The following UNC80 variants were observed in gnomAD, a reference collection of about 807,000 sequenced individuals.
The protein encoded by UNC80 is protein unc-80 homolog.
Under a neutral mutation model 384.6 loss-of-function variants are expected in UNC80, and 164 were observed. The observed-to-expected ratio is 0.43, with a 90% CI of 0.38 to 0.49. UNC80 has a LOEUF of 0.49. Among genes scored for constraint, UNC80 ranks in the 20% least tolerant of loss-of-function variants. UNC80 has a pLI of 0.00. For synonymous variants in UNC80, 1,486 were observed against 1,527.8 expected, an observed-to-expected ratio of 0.97 and a Z score of 0.64; for missense variants, 3,330 against 4,143.0, an observed-to-expected ratio of 0.80 and a Z score of 5.39.
At chr2:209,844,388 CT>C (rs1275323290) in intron 21 of UNC80, among the ~76,000 whole-genome samples, 2 of 150,394 alleles carry the variant, frequency 1.3e-5, no homozygotes, top group Non-Finnish European at 3.0e-5. Flanking sequence ...TTCCTTCCTT[CT>C]CTTCTCTCCT....
In UNC80 at chr2:209,846,001, CCTT is replaced by C. The variant is rs1270163303; in HGVS notation, c.3455-3446_3455-3444del. On this transcript the variant is annotated intron_variant, in intron 21 of 64. Coordinates refer to ENST00000673920, the MANE Select transcript of UNC80 (RefSeq NM_001371986.1). ...TCTCTCTTCTTTCTTTTCTTTCTTCCCTTCTTTCCTTGTTTTTCTTTCTTTCCT... is the reference window on the plus strand; with the variant it reads ...TCTCTCTTCTTTCTTTTCTTTCTTCCCTTTCCTTGTTTTTCTTTCTTTCCT... Among the ~76,000 whole-genome samples, 128 of 150,724 alleles carry C rather than the reference CCTT, an allele frequency of 8.5e-4. 1 individual carries two copies. Among genetic ancestry groups the C allele is most frequent in the African/African-American group, 2.9e-3 (121 of 41,026 alleles).
intron 52 of UNC80, chr2:209,969,069 A>T (rs2092811239): frequency 6.6e-6 from 1 of 152,232 alleles, no homozygotes; most frequent in African/African-American, 2.4e-5. Flanking sequence ...CCAGGAAAAT[A>T]TAAGGAAATA....
intron 36 of UNC80, among the ~76,000 whole-genome samples, chr2:209,928,975 C>G (rs1235795437): frequency 6.6e-6 from 1 of 152,058 alleles, no homozygotes; most frequent in African/African-American, 2.4e-5. Flanking sequence ...GATATTTTTG[C>G]AATCAATATC....
chr2:209,881,127 T>C (rs1228982741), intron 25 of UNC80, 33 bp downstream of exon 25: 1 of 1,550,590 alleles, frequency 6.4e-7, no homozygotes, highest in South Asian at 1.2e-5. Context: ...ATAATCAGGT[T>C]ACTCGGAGAG....
At position 209,954,204 on chromosome 2, in the gene UNC80, T is replaced by C; in HGVS notation, c.7391T>C (p.Ile2464Thr). Residue 2464 changes from isoleucine to threonine, a missense_variant, in exon 48 of 65, where the codon ATT becomes ACT. Coordinates refer to ENST00000673920, the MANE Select transcript of UNC80 (RefSeq NM_001371986.1). Reference protein sequence around the residue: ...VETVPAAREEIAATAALATSL... With the variant: ...VETVPAAREETAATAALATSL... ...ACAGTACCTGCTGCCCGAGAGGAGA[T>C]TGCGGCCACTGCTGCTCTTGCGACG... The C allele has an allele frequency of 1.1e-5, 17 of 1,551,070 alleles. No homozygotes were observed. The highest frequency in any genetic ancestry group is 1.5e-5 in the Non-Finnish European group (17 of 1,146,912).
At chr2:209,970,031 A>G in intron 53 of UNC80, 140 bp downstream of exon 53, 1 of 1,072,082 alleles carries the variant, frequency 9.3e-7, no homozygotes, top group Non-Finnish European at 1.3e-6. Flanking sequence ...GACACTGAAA[A>G]TAGTGAGGTA....
intron 25 of UNC80, among the ~76,000 whole-genome samples, chr2:209,885,754 CTT>C (rs1410561654): frequency 2.4e-4 from 33 of 135,794 alleles, no homozygotes; most frequent in Admixed American, 3.0e-4. Context: ...AAAATGTTAA[CTT>C]TTTTTTTTTT....
At chr2:209,819,403 C>A in intron 12 of UNC80, 142 bp downstream of exon 12, 2 of 746,008 alleles carry the variant, frequency 2.7e-6, no homozygotes, top group Non-Finnish European at 3.9e-6. Context: ...GAAAAAAATT[C>A]ACCAATGTTT....
At chr2:209,837,337 T>C (rs2081394441) in intron 18 of UNC80, among the ~76,000 whole-genome samples, 1 of 152,216 alleles carries the variant, frequency 6.6e-6, no homozygotes, top group South Asian at 2.1e-4. Context: ...TGCAGTAATA[T>C]ATGTTGCTCA....
At chr2:209,900,652 A>G (rs2087295207) in intron 28 of UNC80, among the ~76,000 whole-genome samples, 1 of 152,228 alleles carries the variant, frequency 6.6e-6, no homozygotes, top group Non-Finnish European at 1.5e-5. Flanking sequence ...ATCAAATGCC[A>G]TAAATGATTA....
intron 7 of UNC80, among the ~76,000 whole-genome samples, chr2:209,812,749 A>T (rs2079456138): frequency 6.6e-6 from 1 of 152,206 alleles, no homozygotes; most frequent in Non-Finnish European, 1.5e-5. Context: ...ACTTACCTTT[A>T]AATCTGAATT....
At chr2:209,873,068 T>G in intron 23 of UNC80, 98 bp downstream of exon 23, 1 of 1,120,922 alleles carries the variant, frequency 8.9e-7, no homozygotes. Flanking sequence ...ATTTATTGAG[T>G]GTTTGTTATG....
chr2:209,789,507 G>A (rs753795003), intron 5 of UNC80, 25 bp from the exon 6 acceptor site: 23 of 1,565,416 alleles, frequency 1.5e-5, no homozygotes, highest in South Asian at 1.1e-4. Context: ...CTTACAAAAC[G>A]ATGGAACTTC....
At chr2:209,832,881 T>G (rs963598748) in intron 16 of UNC80, among the ~76,000 whole-genome samples, 1 of 152,172 alleles carries the variant, frequency 6.6e-6, no homozygotes, top group African/African-American at 2.4e-5. Flanking sequence ...CACTTCACAG[T>G]GTTGTGTAAA....
intron 4 of UNC80, among the ~76,000 whole-genome samples, chr2:209,781,381 C>G (rs1007567216): frequency 6.6e-6 from 1 of 152,190 alleles, no homozygotes; most frequent in Non-Finnish European, 1.5e-5. Flanking sequence ...ATCTGATTTT[C>G]TACAAAACTA....
In UNC80 at chr2:209,839,843, C is replaced by T. The variant is rs1281503702; in HGVS notation, c.3250+413C>T. ...TGAATGTGGGGGAGGAGGCAGAAAT[C>T]AGGGAAGGCTTCCTAGTGGTAGTGG... On this transcript the variant is annotated intron_variant, in intron 19 of 64. Coordinates refer to ENST00000673920, the MANE Select transcript of UNC80 (RefSeq NM_001371986.1). The surrounding 1 kb of genome is among the most constrained non-coding windows in gnomAD (Gnocchi z 4.1). Among the ~76,000 whole-genome samples the T allele has an allele frequency of 6.6e-6, 1 of 152,132 alleles. No individual in the cohort carries two copies. Among genetic ancestry groups the T allele is most frequent in the Non-Finnish European group, 1.5e-5 (1 of 68,026 alleles).
chr2:209,879,066 T>A (rs1281061665), intron 24 of UNC80, among the ~76,000 whole-genome samples: 1 of 152,134 alleles, frequency 6.6e-6, no homozygotes, highest in Non-Finnish European at 1.5e-5. Context: ...TTAAATCATG[T>A]TACCCCTTCT....
chr2:209,932,799 T>C (rs918553465), intron 38 of UNC80, among the ~76,000 whole-genome samples: 1 of 152,232 alleles, frequency 6.6e-6, no homozygotes, highest in Admixed American at 6.5e-5. Flanking sequence ...ATCTGAATTC[T>C]ATGTTATTAG....
chr2:209,862,156 T>C (rs534677873), intron 22 of UNC80, among the ~76,000 whole-genome samples: 19 of 152,348 alleles, frequency 1.2e-4, no homozygotes, highest in African/African-American at 4.3e-4. Context: ...TTCCTAGCTT[T>C]CTGATGTGGG....
Sources: gnomAD v4.1 joint callset for allele counts (sites outside exome capture counted in the v4.1 genomes callset) on GRCh38, gnomAD v4.1.1 for gene constraint, Gnocchi (gnomAD v3.1) non-coding constraint, MANE v1.5 for transcripts, NCBI Gene and HGNC (gene_info 2026-07-23, HGNC 2026-07-21) for gene names.